ELOVL5: variants seen among roughly 807,000 people sequenced by gnomAD.
ELOVL5 encodes very long chain fatty acid elongase 5.
A neutral mutation model predicts 38.6 loss-of-function variants in ELOVL5; 8 were observed. The ratio of observed to expected loss-of-function variants is 0.21; its 90% CI spans 0.12 to 0.37. The LOEUF is 0.37. Among genes scored for constraint, ELOVL5 ranks in the 10% least tolerant of loss-of-function variants. The pLI is 1.00. For synonymous variants in ELOVL5, 127 were observed against 133.7 expected, an observed-to-expected ratio of 0.95 and a Z score of 0.34; for missense variants, 280 against 367.8, an observed-to-expected ratio of 0.76 and a Z score of 1.95.
chr6:53,276,381 G>T, intron 3 of ELOVL5, 125 bp from the exon 4 acceptor site: 1 of 649,190 alleles, frequency 1.5e-6, no homozygotes, highest in Non-Finnish European at 2.8e-6. Flanking sequence ...TTTGCTCTGA[G>T]AAAAAACAAT....
intron 6 of ELOVL5, among the ~76,000 whole-genome samples, chr6:53,271,395 C>A (rs567845289): frequency 6.6e-6 from 1 of 152,126 alleles, no homozygotes; most frequent in Non-Finnish European, 1.5e-5. Context: ...ACTAAAAATA[C>A]AAAAATTAGC....
intron 1 of ELOVL5, among the ~76,000 whole-genome samples, chr6:53,348,169 C>T (rs888068287): frequency 3.9e-5 from 6 of 152,130 alleles, no homozygotes; most frequent in Non-Finnish European, 8.8e-5. Context: ...CAAGGGCTGC[C>T]GTTGTCTGGT....
chr6:53,288,002 G>A lies in ELOVL5; in HGVS notation c.246+3774C>T. 1.3e-5 allele frequency: 18 copies of A among 1,385,022 alleles called. No homozygotes were observed. The South Asian group carries it at 1.6e-4, about 12-fold the overall frequency. 85.8% of individuals were successfully genotyped at this position (1,385,022 alleles called of 1,614,324 possible). ...GGTCTAAGAGGTCTGAGGCACAGCAGGAGAAGAGTAGACACATTGAATGGC... is the reference window on the plus strand; with the variant it reads ...GGTCTAAGAGGTCTGAGGCACAGCAAGAGAAGAGTAGACACATTGAATGGC... On this transcript the variant is annotated intron_variant, in intron 3 of 7. Coordinates refer to ENST00000304434, the MANE Select transcript of ELOVL5 (RefSeq NM_021814.5).
chr6:53,276,144 TTATAA>T (rs1052028090), intron 4 of ELOVL5, 30 bp downstream of exon 4: 21 of 1,451,978 alleles, frequency 1.4e-5, no homozygotes, highest in East Asian at 2.3e-5. Context: ...AACTCAACAC[TTATAA>T]TAATAAAGTT....
intron 3 of ELOVL5, among the ~76,000 whole-genome samples, chr6:53,283,223 C>T (rs1050436710): frequency 9.9e-5 from 15 of 152,090 alleles, no homozygotes; most frequent in Middle Eastern, 3.2e-3. Flanking sequence ...ACCTATAATG[C>T]GAGGGAGGTC....
Position 53,267,947 on chromosome 6 carries a change from C to A in ELOVL5, c.*1180G>T, listed in dbSNP as rs144828030. 1.1e-4 allele frequency: 16 copies of A among 152,304 alleles called. No individual in the cohort carries two copies. In the East Asian group the frequency reaches 2.7e-3, roughly 26 times the overall value. The allele number at this position is 152,304 out of a possible 1,614,324, so 9.4% of individuals were successfully genotyped here. ...TTATTTTTAAACAAGAGGTTCTAAA[C>A]ACATCTTTAGATTCTAAGCAGAAAG... is the stretch of plus-strand genomic sequence containing the variant. On this transcript the variant is annotated 3_prime_UTR_variant, in exon 8 of 8. Coordinates refer to ENST00000304434, the MANE Select transcript of ELOVL5 (RefSeq NM_021814.5).
chr6:53,298,377 AACTT>A (rs137885485), intron 1 of ELOVL5, among the ~76,000 whole-genome samples: 9,452 of 152,256 alleles, frequency 0.062, 586 homozygotes, highest in Admixed American at 0.22. Context: ...GGGTAATATT[AACTT>A]ACTTACTTAT....
intron 1 of ELOVL5, among the ~76,000 whole-genome samples, chr6:53,324,784 G>C (rs931143705): frequency 6.6e-6 from 1 of 151,410 alleles, no homozygotes; most frequent in Non-Finnish European, 1.5e-5. Flanking sequence ...AGAGAAAGCA[G>C]AGGAATGGGC....
At chr6:53,330,117 A>G (rs1005177989) in intron 1 of ELOVL5, among the ~76,000 whole-genome samples, 2 of 152,214 alleles carry the variant, frequency 1.3e-5, no homozygotes, top group Non-Finnish European at 2.9e-5. Flanking sequence ...ACCTAGATGT[A>G]TGGCCTACTA....
At chr6:53,307,790 G>A in intron 1 of ELOVL5, among the ~76,000 whole-genome samples, 1 of 152,198 alleles carries the variant, frequency 6.6e-6, no homozygotes, top group East Asian at 1.9e-4. Flanking sequence ...TTAGTACAGA[G>A]CAGAAATAAA....
At chr6:53,327,636 C>T (rs1439744500) in intron 1 of ELOVL5, among the ~76,000 whole-genome samples, 15 of 152,100 alleles carry the variant, frequency 9.9e-5, no homozygotes, top group Non-Finnish European at 5.9e-5. Flanking sequence ...TGTGGATGTA[C>T]TAAATGCCAC....
intron 1 of ELOVL5, among the ~76,000 whole-genome samples, chr6:53,299,418 A>C (rs1030703005): frequency 6.6e-6 from 1 of 152,222 alleles, no homozygotes; most frequent in Non-Finnish European, 1.5e-5. Flanking sequence ...TTGGTGGGGC[A>C]GGAATGGAGA....
At chr6:53,339,268 C>T (rs889637550) in intron 1 of ELOVL5, among the ~76,000 whole-genome samples, 9 of 152,230 alleles carry the variant, frequency 5.9e-5, no homozygotes, top group Admixed American at 5.2e-4. Flanking sequence ...ATATATAAGC[C>T]ACCCCATGAA....
At chr6:53,286,465 A>C (rs1018539881) in intron 3 of ELOVL5, among the ~76,000 whole-genome samples, 1 of 152,108 alleles carries the variant, frequency 6.6e-6, no homozygotes, top group African/African-American at 2.4e-5. Flanking sequence ...CAGGAGGCTG[A>C]GGTGGGAGGA....
intron 1 of ELOVL5, among the ~76,000 whole-genome samples, chr6:53,326,420 A>G (rs534848963): frequency 1.5e-4 from 23 of 152,070 alleles, no homozygotes; most frequent in Non-Finnish European, 2.6e-4. Context: ...ACCCAGGCCC[A>G]TACCTGCTTT....
intron 3 of ELOVL5, among the ~76,000 whole-genome samples, chr6:53,279,256 ATTCTT>A (rs1162950755): frequency 5.3e-5 from 8 of 152,268 alleles, no homozygotes; most frequent in South Asian, 2.1e-4. Flanking sequence ...CCACTGTTTT[ATTCTT>A]TTCAACTAGA....
chr6:53,281,286 T>C (rs936005304), intron 3 of ELOVL5, among the ~76,000 whole-genome samples: 3 of 152,226 alleles, frequency 2.0e-5, no homozygotes, highest in East Asian at 1.9e-4. Flanking sequence ...AAGGTGCTTT[T>C]CTAAGCAAAA....
chr6:53,272,468 A>G lies in ELOVL5; in HGVS notation c.621+752T>C, dbSNP rs533777254. Reference sequence around the variant, plus strand: ...CAATAATATGAAATCAGGCTACTGGAACAATCTATGTAAAATCATGTACTT... The same window carrying G: ...CAATAATATGAAATCAGGCTACTGGGACAATCTATGTAAAATCATGTACTT... On this transcript the variant is annotated intron_variant, in intron 6 of 7. Transcript: ENST00000304434. Among the ~76,000 whole-genome samples the G allele has an allele frequency of 5.3e-5, 8 of 152,302 alleles. No individual in the cohort carries two copies. In the South Asian group the frequency reaches 1.7e-3, roughly 32 times the overall value.
chr6:53,275,251 A>C lies in ELOVL5; in HGVS notation c.335T>G (p.Val112Gly). ...TTTGGAGAAGTAGTACCACCAGAGG[A>C]CACGGATAATCTAAGAGGAAAGGGT... ...AGESDMKIIR[V>G]LWWYYFSKLI... is the part of the protein sequence containing the mutation. Residue 112 changes from valine (V) to glycine (G), a missense_variant, in exon 5 of 8, where the codon GTC becomes GGC. Physicochemically the swap from Val to Gly is moderately radical, Grantham distance 109. This residue lies in a region of ELOVL5 where 150 missense variants were observed against 178.0 expected (regional missense o/e 0.84). Transcript: ENST00000304434. The C allele has an allele frequency of 1.2e-6, 2 of 1,614,146 alleles. No individual in the cohort carries two copies. Among genetic ancestry groups the C allele is most frequent in the Non-Finnish European group, 1.7e-6 (2 of 1,179,988 alleles).
Sources: gnomAD v4.1 joint callset for allele counts (sites outside exome capture counted in the v4.1 genomes callset) on GRCh38, gnomAD v4.1.1 for gene constraint, gnomAD v4.1.1 regional missense constraint, MANE v1.5 for transcripts, NCBI Gene and HGNC (gene_info 2026-07-23, HGNC 2026-07-21) for gene names.